NAV2: variants seen among roughly 807,000 people sequenced by gnomAD.
NAV2 encodes the protein neuron navigator 2.
NAV2 carries 54 observed loss-of-function variants against 223.2 expected under a neutral mutation model. That is an observed-to-expected ratio of 0.24 (90% CI 0.19 to 0.30). NAV2 has a LOEUF of 0.30. Ranked by LOEUF, NAV2 falls within the 10% of genes least tolerant of loss-of-function variation. NAV2 has a pLI of 1.00. For missense variants in NAV2, 2,806 were observed against 3,147.5 expected (o/e 0.89, Z 2.60); for synonymous variants, 1,279 against 1,239.3 (o/e 1.03, Z -0.67).
At chr11:19,985,158 C>T (rs2050668571) in intron 11 of NAV2, among the ~76,000 whole-genome samples, 3 of 152,186 alleles carry the variant, frequency 2.0e-5, no homozygotes, top group African/African-American at 7.2e-5. Context: ...ACAACAGCTT[C>T]CTGCTGTTCC....
chr11:19,645,049 C>T (rs186360276), intron 1 of NAV2, among the ~76,000 whole-genome samples: 92 of 152,290 alleles, frequency 6.0e-4, no homozygotes, highest in African/African-American at 2.1e-3. Flanking sequence ...CTTAAAACAA[C>T]GCAAGCCTAT....
At chr11:19,519,867 C>T (rs2043586812) in intron 1 of NAV2, 1 of 152,196 alleles carries the variant, frequency 6.6e-6, no homozygotes, top group Non-Finnish European at 1.5e-5. Flanking sequence ...AGATCCTGGG[C>T]CTTCTCTGGG....
At chr11:19,621,948 A>G (rs1022155467) in intron 1 of NAV2, among the ~76,000 whole-genome samples, 2 of 152,170 alleles carry the variant, frequency 1.3e-5, no homozygotes, top group South Asian at 2.1e-4. Flanking sequence ...GGATTCTGGT[A>G]TGTTGTGTCT....
At chr11:19,735,766 A>C (rs1030839961) in intron 1 of NAV2, among the ~76,000 whole-genome samples, 3 of 152,208 alleles carry the variant, frequency 2.0e-5, no homozygotes, top group African/African-American at 7.2e-5. Context: ...TGCTTTTTCA[A>C]GGGAGCTGGT....
At chr11:19,419,428 G>A (rs1234751861) in intron 1 of NAV2, among the ~76,000 whole-genome samples, 1 of 152,146 alleles carries the variant, frequency 6.6e-6, no homozygotes, top group Non-Finnish European at 1.5e-5. Context: ...TTTTCCAGCA[G>A]CGTGCATACC....
intron 1 of NAV2, among the ~76,000 whole-genome samples, chr11:19,622,676 T>A (rs2047035038): frequency 1.3e-5 from 2 of 152,154 alleles, no homozygotes; most frequent in Non-Finnish European, 2.9e-5. Flanking sequence ...GTGAGATGGG[T>A]TTCCTGAATA....
At chr11:19,638,512 T>C (rs2047567343) in intron 1 of NAV2, among the ~76,000 whole-genome samples, 1 of 152,270 alleles carries the variant, frequency 6.6e-6, no homozygotes, top group East Asian at 1.9e-4. Context: ...TATCTAACAG[T>C]TGTTGAATTT....
At position 19,446,042 on chromosome 11, in the gene NAV2, T is replaced by C. The variant is rs1270403866; in HGVS notation, c.75+95015T>C. Among the ~76,000 whole-genome samples the C allele has an allele frequency of 2.0e-5, 3 of 152,226 alleles. No individual in the cohort carries two copies. The East Asian group carries it at 5.8e-4, about 29-fold the overall frequency. ...TTGTGGTGCAAAGCCCAAGTCATTT[T>C]GCTTTACCATGCTGTGCATCTTCAA... On this transcript the variant is annotated intron_variant, in intron 1 of 37. Transcript: ENST00000360655.
intron 1 of NAV2, among the ~76,000 whole-genome samples, chr11:19,545,827 T>C (rs2044481879): frequency 6.6e-6 from 1 of 151,914 alleles, no homozygotes; most frequent in African/African-American, 2.4e-5. Flanking sequence ...CCCAAGACAA[T>C]GCTTCTTCTT....
At position 19,713,459 on chromosome 11, in the gene NAV2, C is replaced by T; in HGVS notation, c.-237C>T. On this transcript the variant is annotated 5_prime_UTR_variant, in exon 1 of 38. Transcript: ENST00000349880. The surrounding 1 kb of genome is among the most constrained non-coding windows in gnomAD (Gnocchi z 7.2). ...TGTGAGACCCGGCGGCAGCATCCGT[C>T]CAGGTGGGACCCGCTGAGCGCCGTG... The T allele has an allele frequency of 8.3e-6, 11 of 1,326,258 alleles. No homozygotes were observed. Among genetic ancestry groups the T allele is most frequent in the Non-Finnish European group, 1.1e-5 (11 of 1,044,104 alleles). 82.2% of individuals were successfully genotyped at this position (1,326,258 alleles called of 1,614,324 possible).
At chr11:19,505,877 G>A (rs1361727592) in intron 1 of NAV2, 2 of 152,332 alleles carry the variant, frequency 1.3e-5, no homozygotes, top group South Asian at 4.1e-4. Context: ...GCAAAGGTGA[G>A]ACACAAGGAA....
intron 6 of NAV2, 150 bp downstream of exon 6, chr11:19,892,744 A>C: frequency 2.6e-6 from 2 of 758,860 alleles, no homozygotes; most frequent in Non-Finnish European, 4.0e-6. Context: ...CAGGAACTTT[A>C]GTAGCCAGAG....
chr11:19,684,645 G>C (rs1783087328), intron 1 of NAV2, among the ~76,000 whole-genome samples: 1 of 152,086 alleles, frequency 6.6e-6, no homozygotes, highest in Non-Finnish European at 1.5e-5. Flanking sequence ...CCCACTTCCA[G>C]ATCACTCAAG....
intron 3 of NAV2, among the ~76,000 whole-genome samples, chr11:19,859,137 C>CTCTTTTTTTT (rs1467179579): frequency 2.2e-4 from 24 of 107,106 alleles, no homozygotes; most frequent in Middle Eastern, 5.8e-3. Context: ...ATCATATTCT[C>CTCTTTTTTTT]TTTTTTTTTT....
At chr11:19,763,144 A>T (rs559633912) in intron 1 of NAV2, among the ~76,000 whole-genome samples, 1 of 152,328 alleles carries the variant, frequency 6.6e-6, no homozygotes, top group Non-Finnish European at 1.5e-5. Context: ...TGTGATATGT[A>T]TTTGTTGGAG....
intron 1 of NAV2, among the ~76,000 whole-genome samples, chr11:19,821,455 T>C (rs1052788133): frequency 6.6e-6 from 1 of 152,148 alleles, no homozygotes; most frequent in African/African-American, 2.4e-5. Context: ...CACCCACCTG[T>C]GGCTTGTTCA....
intron 1 of NAV2, among the ~76,000 whole-genome samples, chr11:19,639,727 TCTCA>T (rs1436094582): frequency 6.6e-6 from 1 of 152,180 alleles, no homozygotes; most frequent in African/African-American, 2.4e-5. Flanking sequence ...GTCCTGAGTG[TCTCA>T]CTCACAGGCA....
At chr11:19,450,852 G>A (rs1050119211) in intron 1 of NAV2, among the ~76,000 whole-genome samples, 1 of 152,156 alleles carries the variant, frequency 6.6e-6, no homozygotes, top group Non-Finnish European at 1.5e-5. Context: ...CTTGTGCTTG[G>A]TGTTTCTGAA....
intron 1 of NAV2, among the ~76,000 whole-genome samples, chr11:19,437,904 T>C (rs903023302): frequency 6.6e-6 from 1 of 152,234 alleles, no homozygotes; most frequent in African/African-American, 2.4e-5. Context: ...GGCTGAGTTT[T>C]CAGAATCACT....
Sources: allele counts gnomAD v4.1 joint callset (sites outside exome capture counted in the v4.1 genomes callset), GRCh38; gene constraint gnomAD v4.1.1; non-coding constraint Gnocchi (gnomAD v3.1); transcripts MANE v1.5; gene names NCBI Gene and HGNC (gene_info 2026-07-23, HGNC 2026-07-21).